NHSL2: variants seen among roughly 807,000 people sequenced by gnomAD.
NHSL2 encodes NHS like 2.
NHSL2 carries 27 observed loss-of-function variants against 53.4 expected under a neutral mutation model. The observed-to-expected ratio is 0.51, with a 90% CI of 0.37 to 0.70. The LOEUF (loss-of-function observed/expected upper bound fraction) is 0.70. Ranked by LOEUF, NHSL2 falls within the 30% of genes least tolerant of loss-of-function variation. NHSL2 has a pLI of 0.00. For synonymous variants in NHSL2, 408 were observed against 404.1 expected, an observed-to-expected ratio of 1.01 and a Z score of -0.12; for missense variants, 892 against 980.1, an observed-to-expected ratio of 0.91 and a Z score of 1.20.
chrX:71,988,589 A>C (rs1350113203), intron 1 of NHSL2, among the ~76,000 whole-genome samples: 1 of 110,643 alleles, frequency 9.0e-6, no homozygotes, highest in East Asian at 2.8e-4. Context: ...TAACTCCCCT[A>C]AATTGGGCCT....
intron 1 of NHSL2, among the ~76,000 whole-genome samples, chrX:71,940,166 G>A (rs976686065): frequency 8.9e-6 from 1 of 112,070 alleles, no homozygotes; most frequent in African/African-American, 3.2e-5. Flanking sequence ...AGAGAACACA[G>A]CATCATAGAA....
At chrX:72,096,538 G>A (rs2041945203) in intron 1 of NHSL2, among the ~76,000 whole-genome samples, 1 of 112,075 alleles carries the variant, frequency 8.9e-6, no homozygotes, top group South Asian at 3.6e-4. Flanking sequence ...ATAATATATG[G>A]CATTCTAGCT....
At chrX:71,998,223 G>T (rs149335619) in intron 1 of NHSL2, among the ~76,000 whole-genome samples, 3,842 of 112,356 alleles carry the variant, frequency 0.034, 163 homozygotes, top group African/African-American at 0.12. Flanking sequence ...ATAGACAAGG[G>T]TTTCTACATT....
chrX:72,007,799 AC>A (rs1302290168), intron 1 of NHSL2, among the ~76,000 whole-genome samples: 1 of 113,104 alleles, frequency 8.8e-6, no homozygotes, highest in Non-Finnish European at 1.9e-5. Flanking sequence ...GCGGGCCAGG[AC>A]CCAGAGGTTG....
At chrX:71,973,996 A>AGATGACATCTGAGTC (rs2041937554) in intron 1 of NHSL2, among the ~76,000 whole-genome samples, 1 of 112,163 alleles carries the variant, frequency 8.9e-6, no homozygotes, top group Non-Finnish European at 1.9e-5. Context: ...GGAGCAGGTC[A>AGATGACATCTGAGTC]TGGCTCAGAT....
intron 1 of NHSL2, among the ~76,000 whole-genome samples, chrX:71,942,630 A>G (rs1233863505): frequency 8.9e-6 from 1 of 112,801 alleles, no homozygotes; most frequent in African/African-American, 3.2e-5. Context: ...TTATTGTTTA[A>G]AGCCATGTAA....
intron 1 of NHSL2, among the ~76,000 whole-genome samples, chrX:72,084,689 C>T (rs374700095): frequency 5.4e-5 from 6 of 112,137 alleles, no homozygotes; most frequent in South Asian, 3.7e-4. Context: ...CAGTCCTGAA[C>T]GGGAATCTGG....
chrX:72,093,713 G>GCTTTCTTTCTTT (rs751349644), intron 1 of NHSL2, among the ~76,000 whole-genome samples: 1,240 of 50,821 alleles, frequency 0.024, 22 homozygotes, highest in East Asian at 0.088. Context: ...CCCTAGTATA[G>GCTTTCTTTCTTT]CTTGCTTGCT....
In NHSL2 at chrX:72,038,662, A is replaced by G. The variant is rs2042254203; in HGVS notation, c.281-93417A>G. Among the ~76,000 whole-genome samples the G allele has an allele frequency of 3.5e-5, 4 of 112,680 alleles. No individual in the cohort carries two copies. The South Asian group carries it at 1.5e-3, about 41-fold the overall frequency. ...ATCATACTGTGCATACATGTTCTGC[A>G]AATTTCTCTTTTTATGCAAATTTAG... On this transcript the variant is annotated intron_variant, in intron 1 of 7. Coordinates refer to ENST00000633930, the MANE Select transcript of NHSL2 (RefSeq NM_001013627.3).
At chrX:71,987,734 A>G (rs1483327059) in intron 1 of NHSL2, among the ~76,000 whole-genome samples, 1 of 112,228 alleles carries the variant, frequency 8.9e-6, no homozygotes, top group Non-Finnish European at 1.9e-5. Flanking sequence ...CACACAACAC[A>G]TATACATACA....
At chrX:72,014,503 C>A (rs144082139) in intron 1 of NHSL2, among the ~76,000 whole-genome samples, 1,645 of 111,306 alleles carry the variant, frequency 0.015, 8 homozygotes, top group Middle Eastern at 0.023. Flanking sequence ...TGATTCAGTT[C>A]AATGTATTTT....
At chrX:71,952,327 T>C (rs1415604178) in intron 1 of NHSL2, among the ~76,000 whole-genome samples, 1 of 112,109 alleles carries the variant, frequency 8.9e-6, no homozygotes, top group Non-Finnish European at 1.9e-5. Flanking sequence ...AGGAAGCCCC[T>C]CCAAGTTCTT....
intron 1 of NHSL2, among the ~76,000 whole-genome samples, chrX:72,078,987 T>G (rs1375042813): frequency 8.9e-6 from 1 of 112,208 alleles, no homozygotes; most frequent in African/African-American, 3.2e-5. Flanking sequence ...TTCCTTGTCT[T>G]TCTGTGTCCC....
chrX:72,073,930 C>T (rs1423834863), intron 1 of NHSL2, among the ~76,000 whole-genome samples: 1 of 112,524 alleles, frequency 8.9e-6, no homozygotes, highest in Non-Finnish European at 1.9e-5. Context: ...GAAGTCCCAC[C>T]ACATATCGTT....
At chrX:72,091,568 G>A (rs1220507608) in intron 1 of NHSL2, among the ~76,000 whole-genome samples, 1 of 111,746 alleles carries the variant, frequency 8.9e-6, no homozygotes, top group Non-Finnish European at 1.9e-5. Context: ...TCCTCTCTCC[G>A]CATCACAGCA....
At chrX:72,084,304 A>G (rs1442100025) in intron 1 of NHSL2, among the ~76,000 whole-genome samples, 1 of 112,384 alleles carries the variant, frequency 8.9e-6, no homozygotes, top group Non-Finnish European at 1.9e-5. Flanking sequence ...GAGGCTTTCC[A>G]GATGCCAAGC....
intron 1 of NHSL2, among the ~76,000 whole-genome samples, chrX:72,089,118 C>T (rs2041875196): frequency 1.8e-5 from 2 of 111,286 alleles, no homozygotes; most frequent in African/African-American, 6.6e-5. Context: ...CTAGGTTCCT[C>T]TAGATCACTT....
At chrX:72,077,715 A>T (rs2041756055) in intron 1 of NHSL2, among the ~76,000 whole-genome samples, 1 of 111,637 alleles carries the variant, frequency 9.0e-6, no homozygotes, top group Admixed American at 9.5e-5. Flanking sequence ...AACAGAAGCC[A>T]CCTCCAGCCC....
In NHSL2 at chrX:72,140,558, G is replaced by A. The variant is rs937347346; in HGVS notation, c.3010G>A (p.Val1004Ile). The change falls in exon 6 of 8, where the codon GTA becomes ATA. Residue 1004 changes from valine (V) to isoleucine (I), a missense_variant. Transcript: ENST00000633930. ...AAAGAAAGGCAAGATTCCACCTCCCGTACCAAAAAAACCCAGCGTGCTGTA... is the reference window on the plus strand; with the variant it reads ...AAAGAAAGGCAAGATTCCACCTCCCATACCAAAAAAACCCAGCGTGCTGTA... ...EKKKGKIPPP[V>I]PKKPSVLYLP... is the part of the protein sequence containing the mutation. 7 of 1,211,141 alleles carry A rather than the reference G, an allele frequency of 5.8e-6. No individual in the cohort carries two copies. The highest frequency in any genetic ancestry group is 1.7e-5 in the African/African-American group (1 of 57,746).
Sources: allele counts gnomAD v4.1 joint callset (sites outside exome capture counted in the v4.1 genomes callset), GRCh38; gene constraint gnomAD v4.1.1; transcripts MANE v1.5; gene names NCBI Gene and HGNC (gene_info 2026-07-23, HGNC 2026-07-21).